Variants in ARIH2 observed in about 807,000 individuals in gnomAD.
ARIH2 encodes E3 ubiquitin-protein ligase ARIH2.
ARIH2 carries 12 observed loss-of-function variants against 79.8 expected under a neutral mutation model. That is an observed-to-expected ratio of 0.15 (90% CI 0.10 to 0.24). The LOEUF (loss-of-function observed/expected upper bound fraction) is 0.24, where lower values mean the gene tolerates loss of function less well. ARIH2 is among the 10% of genes least tolerant of loss of function. The probability of loss-of-function intolerance (pLI) is 1.00; values close to 1 mark genes in which losing one functional copy is unlikely to be tolerated. For synonymous variants in ARIH2, 224 were observed against 213.9 expected, an observed-to-expected ratio of 1.05 and a Z score of -0.41; for missense variants, 301 against 618.3, an observed-to-expected ratio of 0.49 and a Z score of 5.44.
intron 3 of ARIH2, among the ~76,000 whole-genome samples, chr3:48,938,557 T>C (rs2087514097): frequency 6.6e-6 from 1 of 151,922 alleles, no homozygotes; most frequent in African/African-American, 2.4e-5. Context: ...AACTAATCCA[T>C]CATAAAGGAA....
intron 3 of ARIH2, among the ~76,000 whole-genome samples, chr3:48,944,083 C>T (rs1333957708): frequency 6.6e-6 from 1 of 152,148 alleles, no homozygotes; most frequent in Non-Finnish European, 1.5e-5. Context: ...CTAGGAGGGG[C>T]AGTAACCAGC....
At chr3:48,924,354 T>A (rs913926023) in intron 2 of ARIH2, among the ~76,000 whole-genome samples, 4 of 150,366 alleles carry the variant, frequency 2.7e-5, no homozygotes, top group Non-Finnish European at 4.4e-5. Context: ...TTACCTGAAT[T>A]ATTATTATTA....
At chr3:48,959,932 TGTG>T (rs1393084435) in intron 3 of ARIH2, among the ~76,000 whole-genome samples, 4 of 152,224 alleles carry the variant, frequency 2.6e-5, no homozygotes, top group Admixed American at 2.6e-4. Context: ...GGAGGGATCA[TGTG>T]GTGTTCACTG....
At chr3:48,973,891 A>G (rs1421452933) in intron 9 of ARIH2, 75 bp downstream of exon 9, 24 of 1,155,064 alleles carry the variant, frequency 2.1e-5, no homozygotes, top group East Asian at 4.7e-5. Flanking sequence ...GAGATTTGCC[A>G]TCTGAGAGCA....
intron 11 of ARIH2, among the ~76,000 whole-genome samples, chr3:48,977,480 CAG>C (rs1040469054): frequency 2.7e-5 from 4 of 149,774 alleles, no homozygotes; most frequent in Admixed American, 6.6e-5. Flanking sequence ...TAATTTTTGA[CAG>C]AGTCTCACTC....
At chr3:48,962,130 A>C (rs2091334706) in intron 4 of ARIH2, among the ~76,000 whole-genome samples, 1 of 152,162 alleles carries the variant, frequency 6.6e-6, no homozygotes, top group African/African-American at 2.4e-5. Flanking sequence ...TAATCTCAGC[A>C]CTTTGGGAGG....
chr3:48,967,074 G>A (rs746684201), intron 5 of ARIH2, 51 bp from the exon 6 acceptor site: 1 of 1,590,608 alleles, frequency 6.3e-7, no homozygotes, highest in Non-Finnish European at 8.6e-7. Flanking sequence ...TACCCTTATG[G>A]CCTTCTGGAC....
At chr3:48,970,777 C>A in intron 8 of ARIH2, 73 bp downstream of exon 8, 1 of 1,191,758 alleles carries the variant, frequency 8.4e-7, no homozygotes, top group East Asian at 2.4e-5. Flanking sequence ...GCTGTTGCTC[C>A]ATGTGAGGGC....
chr3:48,970,907 G>T, intron 8 of ARIH2: 1 of 478,062 alleles, frequency 2.1e-6, no homozygotes, highest in Non-Finnish European at 3.8e-6. Flanking sequence ...TGGAGGCAAG[G>T]AAGTGACACA....
At chr3:48,939,757 C>CAAAAAAAAAAAAAAAA (rs1190260583) in intron 3 of ARIH2, among the ~76,000 whole-genome samples, 2 of 43,540 alleles carry the variant, frequency 4.6e-5, no homozygotes, top group Non-Finnish European at 6.6e-5. Context: ...GACTCCATCT[C>CAAAAAAAAAAAAAAAA]AAAAAAAAAA....
chr3:48,967,181 G>A lies in ARIH2; in HGVS notation c.444G>A (p.Lys148=), dbSNP rs1202802481. 2 of 1,614,086 alleles carry A rather than the reference G, an allele frequency of 1.2e-6. No individual in the cohort carries two copies. Among genetic ancestry groups the A allele is most frequent in the Non-Finnish European group, 1.7e-6 (2 of 1,180,050 alleles). ...HCAVCMQFVR[K]ENLLSLACQH... ...CAGTGTGTATGCAGTTTGTGCGAAA[G>A]GAAAACCTACTCTCTCTGGCCTGTC... The change falls in exon 6 of 16, where the codon AAG becomes AAA. Residue 148 remains lysine (K), a synonymous_variant. Transcript: ENST00000356401.
At position 48,938,913 on chromosome 3, in the gene ARIH2, CAAAAAAA is replaced by C. The variant is rs1158929356; in HGVS notation, c.255+11120_255+11126del. ...CCCTGTCCCCACTGGGTCTTTAGAC[CAAAAAAA>C]AAAAAAAAAAAAAAAAAAACCAACT... On this transcript the variant is annotated intron_variant, in intron 3 of 15. Coordinates refer to ENST00000356401, the MANE Select transcript of ARIH2 (RefSeq NM_006321.4). 3.5e-3 allele frequency among the ~76,000 whole-genome samples: 188 copies of C among 54,422 alleles called. 1 individual carries two copies. Among genetic ancestry groups the C allele is most frequent in the Non-Finnish European group, 5.1e-3 (155 of 30,130 alleles). The allele number at this position is 54,422 out of a possible 152,430, so 35.7% of individuals were successfully genotyped here. A position where few individuals can be genotyped will look rare whatever the true frequency, so the allele number is the denominator to read the frequency against.
intron 3 of ARIH2, among the ~76,000 whole-genome samples, chr3:48,939,777 CAAAAACAA>C (rs1269818584): frequency 3.9e-5 from 5 of 127,552 alleles, no homozygotes; most frequent in Non-Finnish European, 6.7e-5. Flanking sequence ...AAAAAAAAAA[CAAAAACAA>C]AAAAACAAAA....
intron 3 of ARIH2, among the ~76,000 whole-genome samples, chr3:48,935,914 A>G (rs1056647388): frequency 6.6e-6 from 1 of 152,104 alleles, no homozygotes; most frequent in African/African-American, 2.4e-5. Flanking sequence ...TGCGTATGAT[A>G]TTGGGTCATA....
In ARIH2 at chr3:48,967,253, C is replaced by T. The variant is rs1048566329; in HGVS notation, c.516C>T (p.Leu172=). The T allele has an allele frequency of 8.1e-6, 13 of 1,614,026 alleles. No individual in the cohort carries two copies. Among genetic ancestry groups the T allele is most frequent in the African/African-American group, 1.3e-5 (1 of 74,932 alleles). Residue 172 remains leucine (L), a synonymous_variant, in exon 6 of 16, where the codon CTC becomes CTT. Coordinates refer to ENST00000356401, the MANE Select transcript of ARIH2 (RefSeq NM_006321.4). The part of the protein sequence containing the change: ...RSCWEQHCSV[L]VKDGVGVGVS... ...GCTGGGAGCAGCACTGCTCAGTTCT[C>T]GTCAAGGACGGCGTGGGCGTGGGTG...
At chr3:48,950,968 T>A (rs1404751188) in intron 3 of ARIH2, among the ~76,000 whole-genome samples, 36 of 147,868 alleles carry the variant, frequency 2.4e-4, no homozygotes, top group Non-Finnish European at 3.6e-4. Flanking sequence ...TTTTTTTTTT[T>A]AATTTTTATT....
chr3:48,930,433 G>T (rs951935086), intron 3 of ARIH2, among the ~76,000 whole-genome samples: 2 of 152,148 alleles, frequency 1.3e-5, no homozygotes, highest in Non-Finnish European at 2.9e-5. Context: ...AGTGAGCTGA[G>T]ATTGCCCCCA....
intron 3 of ARIH2, among the ~76,000 whole-genome samples, chr3:48,938,913 C>CAAAAAAAAAAAAAAAAAAAAAAAAA (rs1158929356): frequency 1.8e-5 from 1 of 54,392 alleles, no homozygotes; most frequent in African/African-American, 7.3e-5. Flanking sequence ...GTCTTTAGAC[C>CAAAAAAAAAAAAAAAAAAAAAAAAA]AAAAAAAAAA....
chr3:48,930,495 ATT>A (rs944908514), intron 3 of ARIH2, among the ~76,000 whole-genome samples: 1 of 149,518 alleles, frequency 6.7e-6, no homozygotes, highest in Admixed American at 6.7e-5. Context: ...AACAACAAAA[ATT>A]TTTTTTTTGG....
Sources: gnomAD v4.1 joint callset for allele counts (sites outside exome capture counted in the v4.1 genomes callset) on GRCh38, gnomAD v4.1.1 for gene constraint, MANE v1.5 for transcripts, NCBI Gene and HGNC (gene_info 2026-07-23, HGNC 2026-07-21) for gene names.